Variants in METTL15 observed in about 807,000 individuals in gnomAD.
The protein encoded by METTL15 is methyltransferase 15, mitochondrial 12S rRNA N4-cytidine, also known as 12S rRNA N(4)-cytidine methyltransferase METTL15.
A neutral mutation model predicts 38.3 loss-of-function variants in METTL15; 34 were observed. The observed-to-expected ratio is 0.89, with a 90% CI of 0.68 to 1.18. The LOEUF is 1.18. Ranked by LOEUF, METTL15 falls within the 50% of genes most tolerant of loss-of-function variation. METTL15 has a pLI of 0.00. For synonymous variants in METTL15, 162 were observed against 170.9 expected (o/e 0.95, Z 0.41); for missense variants, 438 against 498.4 (o/e 0.88, Z 1.15).
chr11:28,304,416 A>T (rs140078738), intron 6 of METTL15, among the ~76,000 whole-genome samples: 3 of 152,166 alleles, frequency 2.0e-5, no homozygotes, highest in Admixed American at 1.3e-4. Context: ...AAAATAAAAG[A>T]TAATGATAAG....
chr11:28,360,731 A>T (rs372883923), intron 4 of METTL15, among the ~76,000 whole-genome samples: 1 of 151,812 alleles, frequency 6.6e-6, no homozygotes, highest in African/African-American at 2.4e-5. Context: ...ATATGTATAC[A>T]TGTGCCATGC....
At chr11:28,294,679 T>A (rs939091588) in intron 5 of METTL15, among the ~76,000 whole-genome samples, 15 of 152,090 alleles carry the variant, frequency 9.9e-5, no homozygotes, top group African/African-American at 3.6e-4. Context: ...TCAAATCTAT[T>A]AGTTGGGGGG....
chr11:28,313,396 T>G (rs1234081049), intron 6 of METTL15, among the ~76,000 whole-genome samples: 1 of 152,120 alleles, frequency 6.6e-6, no homozygotes, highest in African/African-American at 2.4e-5. Context: ...ATAAAGATCA[T>G]GAATTCATAA....
chr11:28,523,908 G>A (rs912293760), intron 6 of METTL15, among the ~76,000 whole-genome samples: 4 of 152,166 alleles, frequency 2.6e-5, no homozygotes, highest in South Asian at 4.1e-4. Flanking sequence ...TTTGTTTGTC[G>A]TGACTAAGGT....
Position 28,253,665 on chromosome 11 carries a change from C to A in METTL15, c.408-36541C>A, listed in dbSNP as rs12575098. Among the ~76,000 whole-genome samples, 612 of 129,902 alleles carry A rather than the reference C, an allele frequency of 4.7e-3. 16 individuals carry two copies. In the East Asian group the frequency reaches 0.095, roughly 20 times the overall value. The allele number at this position is 129,902 out of a possible 152,430, so 85.2% of individuals were successfully genotyped here. On this transcript the variant is annotated intron_variant, in intron 4 of 6. Transcript: ENST00000407364. ...AACTACCCTTCTCAGTCTCTGGTAA[C>A]CATCCTTCTACTCTATATCTACATG... is the stretch of plus-strand genomic sequence containing the variant.
At chr11:28,516,304 T>C (rs1851718913) in intron 6 of METTL15, among the ~76,000 whole-genome samples, 1 of 152,176 alleles carries the variant, frequency 6.6e-6, no homozygotes, top group South Asian at 2.1e-4. Flanking sequence ...GATTTTGTTC[T>C]GCTTAAAAGA....
At chr11:28,258,220 T>A (rs1855050806) in intron 4 of METTL15, among the ~76,000 whole-genome samples, 1 of 152,166 alleles carries the variant, frequency 6.6e-6, no homozygotes, top group Admixed American at 6.5e-5. Context: ...CCTTACTTTC[T>A]TCTAAACAAT....
At chr11:28,336,866 C>G (rs1849905522), downstream of METTL15, among the ~76,000 whole-genome samples, 2 of 152,038 alleles carry the variant, frequency 1.3e-5, no homozygotes, top group African/African-American at 2.4e-5. Context: ...AAAAACATTA[C>G]TGTTAACCTC....
intron 6 of METTL15, among the ~76,000 whole-genome samples, chr11:28,304,141 T>G (rs933043874): frequency 7.9e-5 from 12 of 152,188 alleles, no homozygotes; most frequent in African/African-American, 2.7e-4. Flanking sequence ...GTTGGAACTC[T>G]TGAGTGTGGA....
Position 28,513,733 on chromosome 11 carries a change from G to A in METTL15, c.*425-12745G>A, listed in dbSNP as rs190129768. On this transcript the variant is annotated intron_variant and NMD_transcript_variant, in intron 6 of 7. Transcript: ENST00000532947. Reference sequence around the variant, plus strand: ...TTTATGGGAAACAAAGGGATGGGCCGAAATAAAGGGGTGGGTCTGGCTAGT... The same window carrying A: ...TTTATGGGAAACAAAGGGATGGGCCAAAATAAAGGGGTGGGTCTGGCTAGT... Among the ~76,000 whole-genome samples the A allele has an allele frequency of 5.5e-3, 839 of 152,352 alleles. 7 individuals carry two copies. Among genetic ancestry groups the A allele is most frequent in the African/African-American group, 0.019 (809 of 41,592 alleles).
Position 28,333,095 on chromosome 11 carries a change from A to G in METTL15, c.*2254A>G, listed in dbSNP as rs1382855855. 1 of 151,448 alleles carries G rather than the reference A, an allele frequency of 6.6e-6. No individual in the cohort carries two copies. Among genetic ancestry groups the G allele is most frequent in the Non-Finnish European group, 1.5e-5 (1 of 67,948 alleles). The allele number at this position is 151,448 out of a possible 1,614,324, so 9.4% of individuals were successfully genotyped here. A position where few individuals can be genotyped will look rare whatever the true frequency, so the allele number is the denominator to read the frequency against. On this transcript the variant is annotated 3_prime_UTR_variant, in exon 7 of 7. Transcript: ENST00000407364. Reference sequence around the variant, plus strand: ...TCCCTCAGAGTTCCAGTAGTTGCCAACCCTGCTAACATGGTTTTGCACATC... The same window carrying G: ...TCCCTCAGAGTTCCAGTAGTTGCCAGCCCTGCTAACATGGTTTTGCACATC...
chr11:28,123,861 G>A (rs1852355270), intron 3 of METTL15: 1 of 1,464,298 alleles, frequency 6.8e-7, no homozygotes, highest in African/African-American at 1.4e-5. Flanking sequence ...TTTCTGGCAA[G>A]CAAAAGAAGT....
At chr11:28,140,362 C>T (rs1849657449) in intron 3 of METTL15, among the ~76,000 whole-genome samples, 1 of 152,086 alleles carries the variant, frequency 6.6e-6, no homozygotes, top group South Asian at 2.1e-4. Flanking sequence ...ATTCCCAACC[C>T]TTGAGAGTGA....
chr11:28,513,901 T>C (rs888076217), intron 6 of METTL15, among the ~76,000 whole-genome samples: 16 of 152,236 alleles, frequency 1.1e-4, no homozygotes, highest in African/African-American at 3.9e-4. Flanking sequence ...CCTTCTAGCG[T>C]GGGCATTATG....
chr11:28,322,242 GA>G (rs35751550), intron 6 of METTL15, among the ~76,000 whole-genome samples: 5 of 151,862 alleles, frequency 3.3e-5, no homozygotes, highest in African/African-American at 1.2e-4. Flanking sequence ...AAATGTTCAG[GA>G]AAAAATATTT....
intron 4 of METTL15, among the ~76,000 whole-genome samples, chr11:28,238,119 C>T (rs996746938): frequency 5.9e-5 from 9 of 152,194 alleles, no homozygotes; most frequent in Admixed American, 3.9e-4. Context: ...CTGGGAGAAC[C>T]ACTGCTCTCT....
chr11:28,216,336 G>A (rs1852869134), intron 4 of METTL15, among the ~76,000 whole-genome samples: 1 of 151,948 alleles, frequency 6.6e-6, no homozygotes, highest in African/African-American at 2.4e-5. Flanking sequence ...CTAAATAAAG[G>A]CATTTAATTG....
At chr11:28,276,391 C>G (rs909880929) in intron 4 of METTL15, among the ~76,000 whole-genome samples, 2 of 151,858 alleles carry the variant, frequency 1.3e-5, no homozygotes, top group African/African-American at 2.4e-5. Context: ...AACCAAGGAG[C>G]GGAAAGATCT....
intron 4 of METTL15, among the ~76,000 whole-genome samples, chr11:28,354,016 C>A (rs535678731): frequency 6.6e-6 from 1 of 151,364 alleles, no homozygotes; most frequent in African/African-American, 2.4e-5. Context: ...CTGAGAAGAA[C>A]CTCATATTCT....
Sources: allele counts gnomAD v4.1 joint callset (sites outside exome capture counted in the v4.1 genomes callset), GRCh38; gene constraint gnomAD v4.1.1; transcripts MANE v1.5; gene names NCBI Gene and HGNC (gene_info 2026-07-23, HGNC 2026-07-21).